Variants in PRDM16 observed in about 807,000 individuals in gnomAD.
The protein encoded by PRDM16 is PR/SET domain 16.
Under a neutral mutation model 110.6 loss-of-function variants are expected in PRDM16, and 23 were observed. That is an observed-to-expected ratio of 0.21 (90% CI 0.15 to 0.29). The LOEUF (loss-of-function observed/expected upper bound fraction) is 0.29, where lower values mean the gene tolerates loss of function less well. PRDM16 is among the 10% of genes least tolerant of loss of function. PRDM16 has a pLI of 1.00. For synonymous variants in PRDM16, 799 were observed against 781.8 expected (o/e 1.02, Z -0.37); for missense variants, 1,615 against 1,794.3 (o/e 0.90, Z 1.81).
intron 3 of PRDM16, among the ~76,000 whole-genome samples, chr1:3,304,767 G>A (rs572269124): frequency 6.6e-6 from 1 of 152,064 alleles, no homozygotes; most frequent in East Asian, 1.9e-4. Context: ...CCAATGCTCT[G>A]GAATTCTCTA....
intron 3 of PRDM16, among the ~76,000 whole-genome samples, chr1:3,340,960 G>A (rs1162722620): frequency 6.6e-6 from 1 of 152,204 alleles, no homozygotes; most frequent in Non-Finnish European, 1.5e-5. Context: ...GCCCCCGTGA[G>A]CTGACCCCAG....
At chr1:3,305,061 A>T (rs1641283943) in intron 3 of PRDM16, among the ~76,000 whole-genome samples, 2 of 152,144 alleles carry the variant, frequency 1.3e-5, no homozygotes, top group African/African-American at 2.4e-5. Flanking sequence ...TGAGAAACAC[A>T]CATGTGCAGT....
In PRDM16 at chr1:3,370,017, A is replaced by G. The variant is rs979507849; in HGVS notation, c.439-15135A>G. Among the ~76,000 whole-genome samples the G allele has an allele frequency of 6.6e-6, 1 of 152,176 alleles. No individual in the cohort carries two copies. The highest frequency in any genetic ancestry group is 2.4e-5 in the African/African-American group (1 of 41,444). The stretch of plus-strand genomic sequence containing the variant: ...GCCCGGCGTGTCACAGGGAGAAGAA[A>G]GAAGGATGGGCTCGGAGAGACTGAG... On this transcript the variant is annotated intron_variant, in intron 3 of 16. Transcript: ENST00000270722. This position sits in a 1 kb window ranked among gnomAD's most constrained non-coding sequence, Gnocchi z 4.8.
chr1:3,352,634 C>A (rs1014552993), intron 3 of PRDM16, among the ~76,000 whole-genome samples: 1 of 152,248 alleles, frequency 6.6e-6, no homozygotes, highest in African/African-American at 2.4e-5. Flanking sequence ...AGCTTGTTCC[C>A]GAATACTTGC....
At chr1:3,374,524 G>A (rs1268265354) in intron 3 of PRDM16, among the ~76,000 whole-genome samples, 2 of 152,212 alleles carry the variant, frequency 1.3e-5, no homozygotes, top group African/African-American at 4.8e-5. Flanking sequence ...CCGCACAGCA[G>A]CCACCTAGCA....
At chr1:3,108,578 G>T (rs1169086264) in intron 1 of PRDM16, among the ~76,000 whole-genome samples, 2 of 152,184 alleles carry the variant, frequency 1.3e-5, no homozygotes, top group South Asian at 2.1e-4. Flanking sequence ...TGGAGTAATC[G>T]CCATATGCTA....
chr1:3,418,829 TC>T, intron 12 of PRDM16, 85 bp downstream of exon 12: 1 of 1,024,798 alleles, frequency 9.8e-7, no homozygotes, highest in Non-Finnish European at 1.5e-6. Context: ...AGTATGCCAT[TC>T]CCAGGGCTCC....
chr1:3,186,734 T>G (rs964740870), intron 2 of PRDM16: 2 of 446,468 alleles, frequency 4.5e-6, no homozygotes, highest in Admixed American at 7.8e-5. Flanking sequence ...TGAGCTCATG[T>G]CTTAAAACAT....
chr1:3,181,309 G>A (rs1413856807), intron 1 of PRDM16, among the ~76,000 whole-genome samples: 1 of 78,794 alleles, frequency 1.3e-5, no homozygotes, highest in Admixed American at 1.4e-4. Context: ...CTTACACACG[G>A]TCTTACACAC....
chr1:3,159,211 T>C (rs1486044759), intron 1 of PRDM16, among the ~76,000 whole-genome samples: 1 of 152,260 alleles, frequency 6.6e-6, no homozygotes, highest in East Asian at 1.9e-4. Context: ...CGAAGCCAGA[T>C]GCCTGTCCTG....
intron 3 of PRDM16, among the ~76,000 whole-genome samples, chr1:3,341,513 C>T (rs966631489): frequency 3.3e-5 from 5 of 152,106 alleles, no homozygotes; most frequent in Non-Finnish European, 5.9e-5. Flanking sequence ...CGAGACCCGC[C>T]GTGAAGCACA....
intron 3 of PRDM16, among the ~76,000 whole-genome samples, chr1:3,377,412 G>A (rs1643011735): frequency 6.6e-6 from 1 of 152,236 alleles, no homozygotes; most frequent in Admixed American, 6.5e-5. Flanking sequence ...TGAACCTGGA[G>A]GACCAGCCCA....
chr1:3,328,657 A>G (rs1641974189), intron 3 of PRDM16, among the ~76,000 whole-genome samples: 1 of 152,156 alleles, frequency 6.6e-6, no homozygotes, highest in South Asian at 2.1e-4. Flanking sequence ...CTTTCGGGCC[A>G]GGAGTCTGTT....
intron 3 of PRDM16, among the ~76,000 whole-genome samples, chr1:3,280,560 C>T (rs925662612): frequency 5.3e-5 from 8 of 152,188 alleles, no homozygotes; most frequent in Non-Finnish European, 8.8e-5. Context: ...GGCCTTCCAT[C>T]GCCTCCCTCG....
chr1:3,365,988 A>G (rs1642806653), intron 3 of PRDM16, among the ~76,000 whole-genome samples: 1 of 151,814 alleles, frequency 6.6e-6, no homozygotes, highest in South Asian at 2.1e-4. Flanking sequence ...ACGCACACAA[A>G]CATGCACACA....
At position 3,404,901 on chromosome 1, in the gene PRDM16, G is replaced by C. The variant is rs757603329; in HGVS notation, c.1032+15G>C. On this transcript the variant is annotated intron_variant, in intron 7 of 16. Coordinates refer to ENST00000270722, the MANE Select transcript of PRDM16 (RefSeq NM_022114.4). ...ACTGCGTGAAGGTAACCTGCGGGGC[G>C]GCCCCGTCTCAGCCCCGGGGCAGCA... The C allele has an allele frequency of 1.2e-6, 2 of 1,611,034 alleles. No homozygotes were observed. The highest frequency in any genetic ancestry group is 2.2e-5 in the South Asian group (2 of 90,862).
At position 3,245,719 on chromosome 1, in the gene PRDM16, C is replaced by T. The variant is rs1487884683; in HGVS notation, c.438+1582C>T. Among the ~76,000 whole-genome samples the T allele has an allele frequency of 2.0e-5, 3 of 148,220 alleles. No homozygotes were observed. Among genetic ancestry groups the T allele is most frequent in the Non-Finnish European group, 3.0e-5 (2 of 67,452 alleles). ...TTTCCCTCTTTCTCCTTTCCTGCCT[C>T]TTTAAATGAGTTCACATTTTCTTAA... On this transcript the variant is annotated intron_variant, in intron 3 of 16. Transcript: ENST00000270722. This position sits in a 1 kb window ranked among gnomAD's most constrained non-coding sequence, Gnocchi z 4.7.
At chr1:3,321,825 CAT>C (rs1022991068) in intron 3 of PRDM16, among the ~76,000 whole-genome samples, 10 of 134,744 alleles carry the variant, frequency 7.4e-5, no homozygotes, top group African/African-American at 2.5e-4. Context: ...CACATGTGTA[CAT>C]GTGTGCATTT....
At chr1:3,309,183 G>C (rs985731336) in intron 3 of PRDM16, 4 of 152,328 alleles carry the variant, frequency 2.6e-5, no homozygotes, top group African/African-American at 9.7e-5. Flanking sequence ...TCCCTCCTCT[G>C]TTCCTAGTTT....
Sources: allele counts gnomAD v4.1 joint callset (sites outside exome capture counted in the v4.1 genomes callset), GRCh38; gene constraint gnomAD v4.1.1; non-coding constraint Gnocchi (gnomAD v3.1); transcripts MANE v1.5; gene names NCBI Gene and HGNC (gene_info 2026-07-23, HGNC 2026-07-21).